The following AKT3 variants were observed in gnomAD, a reference collection of about 807,000 sequenced individuals.
The protein encoded by AKT3 is AKT serine/threonine kinase 3.
Under a neutral mutation model 65.3 loss-of-function variants are expected in AKT3, and 15 were observed. The ratio of observed to expected loss-of-function variants is 0.23; its 90% CI spans 0.15 to 0.35. The LOEUF (loss-of-function observed/expected upper bound fraction) is 0.35, where lower values mean the gene tolerates loss of function less well. Ranked by LOEUF, AKT3 falls within the 10% of genes least tolerant of loss-of-function variation. The pLI is 1.00. For missense variants in AKT3, 243 were observed against 576.5 expected (o/e 0.42, Z 5.92); for synonymous variants, 206 against 183.8 (o/e 1.12, Z -0.98).
chr1:243,697,967 T>G (rs1007194101), intron 2 of AKT3, among the ~76,000 whole-genome samples: 2 of 148,460 alleles, frequency 1.3e-5, no homozygotes, highest in African/African-American at 4.9e-5. Context: ...AAAAAGAAAT[T>G]TAAAGAAAAA....
chr1:243,619,173 G>GA (rs935532258), intron 6 of AKT3, among the ~76,000 whole-genome samples: 1 of 152,038 alleles, frequency 6.6e-6, no homozygotes, highest in Non-Finnish European at 1.5e-5. Flanking sequence ...AGGAAGACAC[G>GA]AATCAGGTGG....
At chr1:243,637,250 G>A (rs2147810730) in intron 6 of AKT3, among the ~76,000 whole-genome samples, 1 of 151,378 alleles carries the variant, frequency 6.6e-6, no homozygotes, top group Admixed American at 6.6e-5. Context: ...GAATTTATGA[G>A]TAAAAATCAT....
At chr1:243,605,236 C>T (rs1176261040) in intron 8 of AKT3, among the ~76,000 whole-genome samples, 2 of 151,880 alleles carry the variant, frequency 1.3e-5, no homozygotes, top group Non-Finnish European at 2.9e-5. Context: ...CCATGTTCGC[C>T]AGGCTGGTCT....
chr1:243,613,140 TACATATATATACACATATAC>T (rs1306171424), intron 8 of AKT3: 5 of 141,094 alleles, frequency 3.5e-5, no homozygotes, highest in African/African-American at 1.3e-4. Context: ...CATATATACA[TACATATATATACACATATAC>T]ACATATATAT....
intron 2 of AKT3, among the ~76,000 whole-genome samples, chr1:243,703,665 CAGG>C (rs1270694001): frequency 6.8e-6 from 1 of 147,552 alleles, no homozygotes; most frequent in African/African-American, 2.5e-5. Flanking sequence ...GAGGCTGAGG[CAGG>C]AGAATTGTTT....
chr1:243,550,348 C>T (rs147238643), intron 11 of AKT3, among the ~76,000 whole-genome samples: 88 of 152,210 alleles, frequency 5.8e-4, no homozygotes, highest in African/African-American at 2.0e-3. Context: ...TCCTGGTGAA[C>T]AAACAGTTAG....
intron 2 of AKT3, among the ~76,000 whole-genome samples, chr1:243,798,201 C>T (rs892863783): frequency 3.8e-5 from 5 of 130,978 alleles, no homozygotes; most frequent in South Asian, 2.4e-4. Context: ...GCCACTGTGC[C>T]AGGCCCTTTT....
intron 2 of AKT3, among the ~76,000 whole-genome samples, chr1:243,730,404 C>A (rs749187824): frequency 6.6e-6 from 1 of 152,210 alleles, no homozygotes; most frequent in African/African-American, 2.4e-5. Flanking sequence ...GAATTCGGGA[C>A]CCACCCAACA....
chr1:243,824,953 G>GT (rs1694079673), intron 2 of AKT3, among the ~76,000 whole-genome samples: 1 of 151,996 alleles, frequency 6.6e-6, no homozygotes, highest in Admixed American at 6.6e-5. Context: ...ATACATGCAG[G>GT]TATGTTCATT....
chr1:243,769,915 C>G (rs1690071001), intron 2 of AKT3, among the ~76,000 whole-genome samples: 1 of 152,134 alleles, frequency 6.6e-6, no homozygotes, highest in African/African-American at 2.4e-5. Context: ...AGATTCACCC[C>G]TATGTTTTCT....
intron 3 of AKT3, among the ~76,000 whole-genome samples, chr1:243,675,721 T>C (rs1308626196): frequency 6.6e-6 from 1 of 152,190 alleles, no homozygotes; most frequent in Admixed American, 6.5e-5. Context: ...TTCATTTCTT[T>C]GCAGCATTTG....
chr1:243,636,063 C>T (rs1219958803), intron 6 of AKT3, among the ~76,000 whole-genome samples: 1 of 151,790 alleles, frequency 6.6e-6, no homozygotes, highest in African/African-American at 2.4e-5. Flanking sequence ...AGGATATTCC[C>T]CAGTCTGATG....
chr1:243,612,208 A>C (rs1272110531), intron 8 of AKT3, among the ~76,000 whole-genome samples: 4 of 152,100 alleles, frequency 2.6e-5, no homozygotes, highest in Non-Finnish European at 5.9e-5. Flanking sequence ...TCCCAGGCTC[A>C]AGTGATCCTC....
intron 13 of AKT3, among the ~76,000 whole-genome samples, chr1:243,508,876 C>T (rs1376166953): frequency 1.3e-5 from 2 of 151,852 alleles, no homozygotes; most frequent in African/African-American, 4.8e-5. Flanking sequence ...ACCATGTTGG[C>T]CAGGCTAGTC....
At chr1:243,734,089 G>A (rs1216721775) in intron 2 of AKT3, among the ~76,000 whole-genome samples, 1 of 152,146 alleles carries the variant, frequency 6.6e-6, no homozygotes, top group East Asian at 1.9e-4. Context: ...TAAACACACT[G>A]TCAAGTCCAT....
At chr1:243,639,443 C>A (rs970371319) in intron 5 of AKT3, among the ~76,000 whole-genome samples, 2 of 152,136 alleles carry the variant, frequency 1.3e-5, no homozygotes, top group Non-Finnish European at 2.9e-5. Flanking sequence ...ATGCAGGTCA[C>A]AAAGACCCTG....
chr1:243,666,035 G>A (rs1038974848), intron 3 of AKT3, among the ~76,000 whole-genome samples: 1 of 152,010 alleles, frequency 6.6e-6, no homozygotes, highest in Admixed American at 6.6e-5. Flanking sequence ...AGACAGTCTC[G>A]CTCTGTCACC....
intron 8 of AKT3, among the ~76,000 whole-genome samples, chr1:243,607,864 C>T (rs756628300): frequency 5.8e-4 from 88 of 152,100 alleles, no homozygotes; most frequent in Non-Finnish European, 1.1e-3. Flanking sequence ...TGATTGTCAG[C>T]GAGTTCTCAC....
intron 8 of AKT3, among the ~76,000 whole-genome samples, chr1:243,592,382 C>G (rs555868349): frequency 6.6e-6 from 1 of 150,864 alleles, no homozygotes; most frequent in Admixed American, 6.6e-5. Flanking sequence ...AAACCCTAAG[C>G]CAAAGAACTG....
Sources: gnomAD v4.1 joint callset for allele counts (sites outside exome capture counted in the v4.1 genomes callset) on GRCh38, gnomAD v4.1.1 for gene constraint, MANE v1.5 for transcripts, NCBI Gene and HGNC (gene_info 2026-07-23, HGNC 2026-07-21) for gene names.